Variants in ADGRL3 observed in about 807,000 individuals in gnomAD.
ADGRL3 encodes the protein calcium-independent alpha-latrotoxin receptor 3.
A neutral mutation model predicts 153.5 loss-of-function variants in ADGRL3; 62 were observed. That is an observed-to-expected ratio of 0.40 (90% CI 0.33 to 0.50). The LOEUF is 0.50. Among genes scored for constraint, ADGRL3 ranks in the 20% least tolerant of loss-of-function variants. The pLI, the probability that ADGRL3 is intolerant of heterozygous loss-of-function variation, is 0.47. For missense variants in ADGRL3, 1,641 were observed against 1,859.4 expected (o/e 0.88, Z 2.16); for synonymous variants, 710 against 672.5 (o/e 1.06, Z -0.86).
chr4:61,928,093 T>G (rs1478058916), intron 13 of ADGRL3, among the ~76,000 whole-genome samples: 1 of 151,572 alleles, frequency 6.6e-6, no homozygotes, highest in East Asian at 1.9e-4. Flanking sequence ...TGGCATATAT[T>G]GCTAAGGAAA....
At chr4:61,359,138 T>C (rs1482839881) in intron 1 of ADGRL3, among the ~76,000 whole-genome samples, 2 of 152,212 alleles carry the variant, frequency 1.3e-5, no homozygotes, top group East Asian at 1.9e-4. Context: ...TTCTACCTTA[T>C]GTACATTGAG....
At chr4:61,467,858 T>C (rs1210529855) in intron 2 of ADGRL3, among the ~76,000 whole-genome samples, 1 of 152,180 alleles carries the variant, frequency 6.6e-6, no homozygotes, top group East Asian at 1.9e-4. Context: ...ATATTGCTTT[T>C]TAAGAATTCA....
intron 6 of ADGRL3, among the ~76,000 whole-genome samples, chr4:61,698,850 G>A (rs573045340): frequency 1.5e-4 from 23 of 152,064 alleles, no homozygotes; most frequent in African/African-American, 5.6e-4. Context: ...TATTCTTAAC[G>A]CTATGGGTGG....
chr4:61,340,047 A>G (rs2095773530), intron 1 of ADGRL3, among the ~76,000 whole-genome samples: 2 of 152,102 alleles, frequency 1.3e-5, no homozygotes, highest in African/African-American at 4.8e-5. Context: ...GAAGTTGAGT[A>G]GGGTATCTGT....
intron 2 of ADGRL3, among the ~76,000 whole-genome samples, chr4:61,388,802 A>G (rs778945095): frequency 3.3e-5 from 5 of 152,024 alleles, no homozygotes; most frequent in African/African-American, 4.8e-5. Context: ...CTTTCTACCT[A>G]TCAGTCTTCC....
At position 61,680,800 on chromosome 4, in the gene ADGRL3, C is replaced by T. The variant is rs557177254; in HGVS notation, c.583+3865C>T. ...GACCACCTTCTTTGAGTGTTTTGTA[C>T]TTATTTTTCCGAGTCACTGAAGTTA... On this transcript the variant is annotated intron_variant, in intron 6 of 26. Transcript: ENST00000683033. 2.8e-4 allele frequency among the ~76,000 whole-genome samples: 43 copies of T among 152,108 alleles called. No individual in the cohort carries two copies. In the South Asian group the frequency reaches 3.9e-3, roughly 14 times the overall value.
chr4:61,967,454 A>C (rs1049213359), intron 17 of ADGRL3, among the ~76,000 whole-genome samples: 2 of 152,170 alleles, frequency 1.3e-5, no homozygotes, highest in African/African-American at 4.8e-5. Context: ...ATATTACATT[A>C]ATTACTTGTG....
At chr4:61,895,269 C>T (rs1256057280) in intron 10 of ADGRL3, among the ~76,000 whole-genome samples, 4 of 152,090 alleles carry the variant, frequency 2.6e-5, no homozygotes, top group African/African-American at 9.7e-5. Context: ...AGTTTGAGAC[C>T]AGCCTGGCCA....
In ADGRL3 at chr4:61,733,527, G is replaced by C. The variant is rs1296780813; in HGVS notation, c.1372G>C (p.Asp458His). ...NNYHVVKYSL[D>H]FGPLDSRSGQ... Reference sequence around the variant, plus strand: ...CTATCACGTCGTGAAATATTCTTTGGATTTTGGACCTCTGGATAGTAGATC... The same window carrying C: ...CTATCACGTCGTGAAATATTCTTTGCATTTTGGACCTCTGGATAGTAGATC... Residue 458 changes from aspartate to histidine, a missense_variant, in exon 8 of 27, where the codon GAT becomes CAT. Asp to His is a moderately conservative substitution (Grantham distance 81). Around this residue, in one of 5 missense-constraint regions of ADGRL3, gnomAD observed 734 missense variants for 797.0 expected, o/e 0.92. Transcript: ENST00000683033. 8 of 1,613,088 alleles carry C rather than the reference G, an allele frequency of 5.0e-6. No individual in the cohort carries two copies. The highest frequency in any genetic ancestry group is 4.4e-5 in the South Asian group (4 of 90,996).
At chr4:61,998,625 G>C (rs1006976915) in intron 21 of ADGRL3, among the ~76,000 whole-genome samples, 4 of 151,012 alleles carry the variant, frequency 2.6e-5, no homozygotes, top group Non-Finnish European at 2.9e-5. Flanking sequence ...GCCCAGTCTG[G>C]AGTGCAGTGG....
intron 2 of ADGRL3, among the ~76,000 whole-genome samples, chr4:61,423,391 T>C (rs1221404061): frequency 6.6e-6 from 1 of 152,178 alleles, no homozygotes; most frequent in Non-Finnish European, 1.5e-5. Context: ...TCAGGAAACA[T>C]TGAATCCAGT....
intron 1 of ADGRL3, among the ~76,000 whole-genome samples, chr4:61,294,593 T>C (rs1007377880): frequency 2.0e-5 from 3 of 152,152 alleles, no homozygotes; most frequent in Non-Finnish European, 2.9e-5. Context: ...ATCAGTTTAA[T>C]TGGCAAATTA....
chr4:61,664,395 T>TA (rs1367303777), intron 5 of ADGRL3, among the ~76,000 whole-genome samples: 2 of 152,036 alleles, frequency 1.3e-5, no homozygotes, highest in African/African-American at 2.4e-5. Context: ...TTTGTTTTAA[T>TA]AAAAAAAGGA....
At chr4:61,790,137 T>C (rs1580836955) in intron 8 of ADGRL3, among the ~76,000 whole-genome samples, 1 of 152,244 alleles carries the variant, frequency 6.6e-6, no homozygotes, top group Non-Finnish European at 1.5e-5. Context: ...CTACAGATTA[T>C]CATTATGTTG....
intron 1 of ADGRL3, among the ~76,000 whole-genome samples, chr4:61,223,280 G>C (rs564399645): frequency 1.3e-5 from 2 of 152,150 alleles, no homozygotes; most frequent in Non-Finnish European, 2.9e-5. Context: ...GAAATGATAC[G>C]TATAGTTTTA....
intron 21 of ADGRL3, among the ~76,000 whole-genome samples, chr4:62,004,659 C>T (rs1202506330): frequency 2.0e-5 from 3 of 151,938 alleles, no homozygotes; most frequent in Non-Finnish European, 4.4e-5. Flanking sequence ...CGTTTAAAAA[C>T]TGTTACACGT....
chr4:61,217,971 T>C (rs1292486157), intron 1 of ADGRL3, among the ~76,000 whole-genome samples: 12 of 152,158 alleles, frequency 7.9e-5, no homozygotes, highest in Non-Finnish European at 1.3e-4. Flanking sequence ...AAGGAAACTG[T>C]GGTATTATTG....
chr4:61,853,762 G>T (rs948933837), intron 9 of ADGRL3, among the ~76,000 whole-genome samples: 6 of 152,090 alleles, frequency 3.9e-5, no homozygotes, highest in African/African-American at 1.4e-4. Context: ...CCTAATATTC[G>T]AGATTTATTC....
chr4:61,760,498 C>A (rs2096898659), intron 8 of ADGRL3, among the ~76,000 whole-genome samples: 1 of 152,194 alleles, frequency 6.6e-6, no homozygotes, highest in African/African-American at 2.4e-5. Flanking sequence ...TTTGCTAAGA[C>A]CATTGGAAAA....
Sources: allele counts gnomAD v4.1 joint callset (sites outside exome capture counted in the v4.1 genomes callset), GRCh38; gene constraint gnomAD v4.1.1; regional missense constraint gnomAD v4.1.1; transcripts MANE v1.5; gene names NCBI Gene and HGNC (gene_info 2026-07-23, HGNC 2026-07-21).